The following NCS1 variants were observed in gnomAD, a reference collection of about 807,000 sequenced individuals.
The protein encoded by NCS1 is neuronal calcium sensor 1, also known as frequenin homolog.
In NCS1, 6 loss-of-function variants were observed where a neutral mutation model predicts 28.4. That is an observed-to-expected ratio of 0.21 (90% CI 0.12 to 0.42). The LOEUF is 0.42. NCS1 is among the 10% of genes least tolerant of loss of function. The pLI is 1.00. For missense variants in NCS1, 131 were observed against 241.4 expected, an observed-to-expected ratio of 0.54 and a Z score of 3.03; for synonymous variants, 86 against 99.3, an observed-to-expected ratio of 0.87 and a Z score of 0.79.
At chr9:130,203,278 C>T (rs551976425) in intron 2 of NCS1, among the ~76,000 whole-genome samples, 1 of 151,896 alleles carries the variant, frequency 6.6e-6, no homozygotes, top group Admixed American at 6.6e-5. Context: ...CACCTGATGC[C>T]TGGCTAATTT....
At chr9:130,176,159 T>TTTCTTTCC (rs1832563153) in intron 1 of NCS1, among the ~76,000 whole-genome samples, 1 of 76,064 alleles carries the variant, frequency 1.3e-5, no homozygotes, top group Admixed American at 1.6e-4. Context: ...TCTTTCTTTC[T>TTTCTTTCC]TTCTTTCTTT....
At chr9:130,187,161 G>A (rs1192396172) in intron 1 of NCS1, among the ~76,000 whole-genome samples, 3 of 152,162 alleles carry the variant, frequency 2.0e-5, no homozygotes, top group Admixed American at 6.5e-5. Flanking sequence ...AGGCCACAGG[G>A]CACACCTGGG....
Position 130,220,391 on chromosome 9 carries a change from TA to T in NCS1, c.307+597del, listed in dbSNP as rs142599392. The stretch of plus-strand genomic sequence containing the variant: ...ATCAGTCTAGAGTGGCAGCAGGATT[TA>T]AAAAAAAACCTCAGGAAACTGCAGG... On this transcript the variant is annotated intron_variant, in intron 4 of 7. Coordinates refer to ENST00000372398, the MANE Select transcript of NCS1 (RefSeq NM_014286.4). Among the ~76,000 whole-genome samples, 386 of 151,166 alleles carry T rather than the reference TA, an allele frequency of 2.6e-3. 13 individuals carry two copies. The East Asian group carries it at 0.07, about 27-fold the overall frequency.
intron 1 of NCS1, among the ~76,000 whole-genome samples, chr9:130,187,953 C>A (rs1390842620): frequency 6.6e-6 from 1 of 152,098 alleles, no homozygotes; most frequent in South Asian, 2.1e-4. Context: ...AGGGCTAGGA[C>A]TGAAGCAGGA....
At chr9:130,190,066 A>AGAGAGAGAGAG (rs1832798528) in intron 1 of NCS1, among the ~76,000 whole-genome samples, 1 of 84,454 alleles carries the variant, frequency 1.2e-5, no homozygotes, top group African/African-American at 4.1e-5. Context: ...GAGAGAGAGA[A>AGAGAGAGAGAG]TATATGTGGT....
Position 130,200,945 on chromosome 9 carries a change from C to T in NCS1, c.65-13C>T. On this transcript the variant is annotated splice_polypyrimidine_tract_variant and intron_variant, in intron 1 of 7. Transcript: ENST00000372398. ...CCTGAGCTAAAAGCCTACTTTTCTGCTTTCTCTTGCAGTTACCGAGAAGGA... is the reference window on the plus strand; with the variant it reads ...CCTGAGCTAAAAGCCTACTTTTCTGTTTTCTCTTGCAGTTACCGAGAAGGA... 5.0e-6 allele frequency: 8 copies of T among 1,614,250 alleles called. No individual in the cohort carries two copies. The Admixed American group carries it at 1.2e-4, about 24-fold the overall frequency.
chr9:130,203,637 TG>T (rs533463293), intron 2 of NCS1, among the ~76,000 whole-genome samples: 383 of 152,222 alleles, frequency 2.5e-3, no homozygotes, highest in Non-Finnish European at 3.6e-3. Context: ...CTCAGGGGAC[TG>T]GGGGCTAAGG....
In NCS1 at chr9:130,181,243, A is replaced by C. The variant is rs1832649686; in HGVS notation, c.64+8516A>C. On this transcript the variant is annotated intron_variant, in intron 1 of 7. Coordinates refer to ENST00000372398, the MANE Select transcript of NCS1 (RefSeq NM_014286.4). The surrounding 1 kb of genome is among the most constrained non-coding windows in gnomAD (Gnocchi z 5.0). Reference sequence around the variant, plus strand: ...ATGGTTCTTAGCCTCTCGATACCTTAGTTTTCTTATCTGGGGGTTGGGGAT... The same window carrying C: ...ATGGTTCTTAGCCTCTCGATACCTTCGTTTTCTTATCTGGGGGTTGGGGAT... 2.0e-5 allele frequency among the ~76,000 whole-genome samples: 3 copies of C among 152,082 alleles called. No individual in the cohort carries two copies. In the South Asian group the frequency reaches 6.2e-4, roughly 32 times the overall value.
At position 130,217,814 on chromosome 9, in the gene NCS1, C is replaced by T. The variant is rs1833210424; in HGVS notation, c.90-18C>T. 1 of 1,613,954 alleles carries T rather than the reference C, an allele frequency of 6.2e-7. No homozygotes were observed. The highest frequency in any genetic ancestry group is 1.3e-5 in the African/African-American group (1 of 74,890). ...TGGCGTCTCCTTTACCCTCTCTGGC[C>T]CGGTCTGCTGCCTCCAGGTACAAAG... is the stretch of plus-strand genomic sequence containing the variant. On this transcript the variant is annotated intron_variant, in intron 2 of 7. Transcript: ENST00000372398.
In NCS1 at chr9:130,175,136, C is replaced by T. The variant is rs1173583207; in HGVS notation, c.64+2409C>T. ...GCCTCCTGTCTGCCTCCCGCGCTGA[C>T]GTCAGCTCCCTAGTGCAGGCCCTTG... On this transcript the variant is annotated intron_variant, in intron 1 of 7. Coordinates refer to ENST00000372398, the MANE Select transcript of NCS1 (RefSeq NM_014286.4). The surrounding 1 kb of genome is among the most constrained non-coding windows in gnomAD (Gnocchi z 4.9). 3.3e-5 allele frequency among the ~76,000 whole-genome samples: 5 copies of T among 152,208 alleles called. No homozygotes were observed. The highest frequency in any genetic ancestry group is 1.2e-4 in the African/African-American group (5 of 41,528).
chr9:130,198,784 C>T (rs927995842), intron 1 of NCS1, among the ~76,000 whole-genome samples: 1 of 152,156 alleles, frequency 6.6e-6, no homozygotes, highest in Non-Finnish European at 1.5e-5. Context: ...TGAACCCAGG[C>T]GGTCTGGTCT....
At position 130,226,363 on chromosome 9, in the gene NCS1, C is replaced by T. The variant is rs781874179; in HGVS notation, c.475-26C>T. 10 of 1,600,882 alleles carry T rather than the reference C, an allele frequency of 6.2e-6. No homozygotes were observed. The highest frequency in any genetic ancestry group is 8.6e-6 in the Non-Finnish European group (10 of 1,168,660). On this transcript the variant is annotated intron_variant, in intron 6 of 7. Coordinates refer to ENST00000372398, the MANE Select transcript of NCS1 (RefSeq NM_014286.4). The surrounding 1 kb of genome is among the most constrained non-coding windows in gnomAD (Gnocchi z 4.8). ...AGCCCTCTCCTGGGAGGCCCTGCACCCTCAGCCGCCTCTCTCTGCTCACAG... is the reference window on the plus strand; with the variant it reads ...AGCCCTCTCCTGGGAGGCCCTGCACTCTCAGCCGCCTCTCTCTGCTCACAG...
intron 2 of NCS1, among the ~76,000 whole-genome samples, chr9:130,211,062 G>A (rs1466153652): frequency 3.3e-5 from 4 of 120,246 alleles, no homozygotes; most frequent in Admixed American, 2.3e-4. Context: ...TATGTTGCCC[G>A]GGGTGGTCTC....
chr9:130,197,740 A>C (rs11790292), intron 1 of NCS1, among the ~76,000 whole-genome samples: 44,427 of 152,080 alleles, frequency 0.29, 6,877 homozygotes, highest in Admixed American at 0.35. Context: ...AGGCAGACGT[A>C]TCACTTGAGA....
rs782122181 is a variant in NCS1, at chr9:130,191,794, C to T, written c.65-9164C>T. The stretch of plus-strand genomic sequence containing the variant: ...TGGGCAGCCTGCTTGGAAGGGGCAG[C>T]GAGCAGAGCAGACGGGGCCCGCCCA... On this transcript the variant is annotated intron_variant, in intron 1 of 7. Transcript: ENST00000372398. This position sits in a 1 kb window ranked among gnomAD's most constrained non-coding sequence, Gnocchi z 6.4. Among the ~76,000 whole-genome samples, 80 of 152,348 alleles carry T rather than the reference C, an allele frequency of 5.3e-4. No individual in the cohort carries two copies. Among genetic ancestry groups the T allele is most frequent in the Middle Eastern group, 3.4e-3 (1 of 294 alleles).
intron 4 of NCS1, among the ~76,000 whole-genome samples, chr9:130,220,442 G>A (rs1449750356): frequency 2.6e-5 from 4 of 152,166 alleles, no homozygotes; most frequent in Non-Finnish European, 5.9e-5. Context: ...GGAGTTGTGA[G>A]CAGGAGAGGA....
rs75177601 is a variant in NCS1, at chr9:130,175,569, A to G, written c.64+2842A>G. 0.05 allele frequency among the ~76,000 whole-genome samples: 7,571 copies of G among 152,160 alleles called. 236 individuals carry two copies. The highest frequency in any genetic ancestry group is 0.088 in the Admixed American group (1,341 of 15,286). ...TATGCTGGGGGTCCTAGCCCACCTC[A>G]TGCATAGCTGGCCACAGTGCCAAGG... On this transcript the variant is annotated intron_variant, in intron 1 of 7. Transcript: ENST00000372398. This position sits in a 1 kb window ranked among gnomAD's most constrained non-coding sequence, Gnocchi z 4.9.
At position 130,236,077 on chromosome 9, in the gene NCS1, C is replaced by G. The variant is rs1554913015; in HGVS notation, c.*3105C>G. On this transcript the variant is annotated 3_prime_UTR_variant, in exon 8 of 8. Transcript: ENST00000372398. ...TACGTGTCACCCTCTGTACTGACATCTCTTCCCCTGAAATGCTTTTCAGTT... is the reference window on the plus strand; with the variant it reads ...TACGTGTCACCCTCTGTACTGACATGTCTTCCCCTGAAATGCTTTTCAGTT... The G allele has an allele frequency of 6.6e-6, 1 of 152,304 alleles. No homozygotes were observed. Among genetic ancestry groups the G allele is most frequent in the East Asian group, 1.9e-4 (1 of 5,196 alleles). 9.4% of individuals were successfully genotyped at this position (152,304 alleles called of 1,614,324 possible).
At chr9:130,216,942 A>G (rs1833199343) in intron 2 of NCS1, among the ~76,000 whole-genome samples, 1 of 149,124 alleles carries the variant, frequency 6.7e-6, no homozygotes, top group East Asian at 1.9e-4. Flanking sequence ...TAAACTGCCT[A>G]CAGGAGCCAG....
Sources: gnomAD v4.1 joint callset for allele counts (sites outside exome capture counted in the v4.1 genomes callset) on GRCh38, gnomAD v4.1.1 for gene constraint, Gnocchi (gnomAD v3.1) non-coding constraint, MANE v1.5 for transcripts, NCBI Gene and HGNC (gene_info 2026-07-23, HGNC 2026-07-21) for gene names.